MAST4: variants seen among roughly 807,000 people sequenced by gnomAD.
MAST4 encodes the protein microtubule-associated serine/threonine-protein kinase 4.
In MAST4, 89 loss-of-function variants were observed where a neutral mutation model predicts 162.7. The observed-to-expected ratio is 0.55, with a 90% CI of 0.46 to 0.65. The LOEUF (loss-of-function observed/expected upper bound fraction) is 0.65, where lower values mean the gene tolerates loss of function less well. MAST4 is among the 30% of genes least tolerant of loss of function. The pLI is 0.00. For synonymous variants in MAST4, 1,479 were observed against 1,361.1 expected, an observed-to-expected ratio of 1.09 and a Z score of -1.91; for missense variants, 3,153 against 3,374.0, an observed-to-expected ratio of 0.93 and a Z score of 1.62.
At chr5:66,761,545 G>A (rs998645074) in intron 2 of MAST4, among the ~76,000 whole-genome samples, 1 of 151,828 alleles carries the variant, frequency 6.6e-6, no homozygotes, top group Non-Finnish European at 1.5e-5. Context: ...GGCCTGGAAA[G>A]TAAGTTGAAT....
chr5:66,971,661 T>C (rs76089918), intron 4 of MAST4, among the ~76,000 whole-genome samples: 2,745 of 152,346 alleles, frequency 0.018, 80 homozygotes, highest in African/African-American at 0.063. Flanking sequence ...TTGAATATAT[T>C]GAAATTATTC....
chr5:66,778,078 C>T (rs1190554877), intron 2 of MAST4, among the ~76,000 whole-genome samples: 1 of 152,126 alleles, frequency 6.6e-6, no homozygotes, highest in Non-Finnish European at 1.5e-5. Context: ...TCAGACACCA[C>T]CACCACCCAC....
intron 1 of MAST4, among the ~76,000 whole-genome samples, chr5:66,675,427 A>G (rs72761216): frequency 2.0e-5 from 3 of 152,310 alleles, no homozygotes; most frequent in African/African-American, 4.8e-5. Context: ...ATCAGAGGAA[A>G]TTCATCCTTT....
intron 4 of MAST4, among the ~76,000 whole-genome samples, chr5:66,924,374 T>C (rs2150054855): frequency 1.3e-5 from 2 of 152,222 alleles, no homozygotes; most frequent in Non-Finnish European, 1.5e-5. Context: ...TTAATATGAC[T>C]ACTTGGTCTT....
At chr5:66,712,420 T>G (rs185312738) in intron 1 of MAST4, among the ~76,000 whole-genome samples, 7 of 152,328 alleles carry the variant, frequency 4.6e-5, no homozygotes, top group Admixed American at 3.3e-4. Context: ...ATCCTTTGTA[T>G]GTATTCCAGG....
chr5:67,164,444 T>G lies in MAST4; in HGVS notation c.5265T>G (p.Phe1755Leu), dbSNP rs781468604. 21 of 1,614,010 alleles carry G rather than the reference T, an allele frequency of 1.3e-5. 1 individual carries two copies. The East Asian group carries it at 4.7e-4, about 36-fold the overall frequency. ...CAGCTCAGATGAGTGCCGTCTCTTT[T>G]GTTCCCCTCAAGGCCTTAACAGGCC... ...THAAQMSAVSFVPLKALTGRV... is the reference protein window; with the variant it reads ...THAAQMSAVSLVPLKALTGRV... Residue 1755 changes from phenylalanine to leucine, a missense_variant, in exon 29 of 29, where the codon TTT becomes TTG. Transcript: ENST00000403625. The surrounding 1 kb of genome is among the most constrained non-coding windows in gnomAD (Gnocchi z 5.3).
chr5:66,967,926 A>T (rs1288113920), intron 4 of MAST4, among the ~76,000 whole-genome samples: 1 of 152,128 alleles, frequency 6.6e-6, no homozygotes, highest in Non-Finnish European at 1.5e-5. Flanking sequence ...TACTTAATAA[A>T]TTGGCTACCA....
chr5:67,041,248 A>G (rs1160793092), intron 4 of MAST4, among the ~76,000 whole-genome samples: 2 of 152,160 alleles, frequency 1.3e-5, no homozygotes, highest in African/African-American at 2.4e-5. Context: ...GATGTTGACA[A>G]TTAGAAGCCA....
At chr5:67,061,595 T>C (rs1370399109) in intron 5 of MAST4, among the ~76,000 whole-genome samples, 6 of 152,016 alleles carry the variant, frequency 3.9e-5, no homozygotes, top group African/African-American at 1.2e-4. Flanking sequence ...TTTTTTTTAT[T>C]CTTCTGATTT....
intron 23 of MAST4, 90 bp downstream of exon 23, chr5:67,145,469 A>C (rs1335074051): frequency 9.7e-7 from 1 of 1,029,676 alleles, no homozygotes; most frequent in Non-Finnish European, 1.4e-6. Flanking sequence ...GCCAGGCAGT[A>C]AAGATGGGTG....
At chr5:66,611,326 T>A (rs974349912) in intron 1 of MAST4, among the ~76,000 whole-genome samples, 1 of 152,220 alleles carries the variant, frequency 6.6e-6, no homozygotes, top group Non-Finnish European at 1.5e-5. Flanking sequence ...GGCCTCTTTG[T>A]TTTTGGAACT....
At chr5:67,073,544 C>CT (rs1761224914) in intron 5 of MAST4, among the ~76,000 whole-genome samples, 1 of 152,138 alleles carries the variant, frequency 6.6e-6, no homozygotes, top group Admixed American at 6.5e-5. Context: ...ACAGTGGTAA[C>CT]TTGATGTAAT....
At chr5:67,037,001 A>G (rs116549080) in intron 4 of MAST4, among the ~76,000 whole-genome samples, 2 of 152,180 alleles carry the variant, frequency 1.3e-5, no homozygotes. Flanking sequence ...AAAGAAATGT[A>G]TGTATAGGGG....
intron 4 of MAST4, chr5:67,005,047 T>C: frequency 1.3e-6 from 1 of 774,358 alleles, no homozygotes; most frequent in South Asian, 1.4e-5. Context: ...TTACTTTGCC[T>C]CATTTGAGGA....
chr5:66,988,909 C>T lies in MAST4; in HGVS notation c.675-65495C>T, dbSNP rs573956005. ...GTTTCTAGAATCAGATTGTGGCTTA[C>T]AGCTTTATTCAGGGAAATAAGACAT... On this transcript the variant is annotated intron_variant, in intron 4 of 28. Transcript: ENST00000403625. Among the ~76,000 whole-genome samples, 3 of 152,324 alleles carry T rather than the reference C, an allele frequency of 2.0e-5. 1 individual carries two copies. Among genetic ancestry groups the T allele is most frequent in the Admixed American group, 1.3e-4 (2 of 15,300 alleles).
chr5:66,598,330 G>A (rs1742332087), intron 1 of MAST4, among the ~76,000 whole-genome samples: 1 of 152,078 alleles, frequency 6.6e-6, no homozygotes. Context: ...TGAGACCTTG[G>A]GTATATCATT....
chr5:67,165,436 T>C lies in MAST4; in HGVS notation c.6257T>C (p.Leu2086Pro). The change falls in exon 29 of 29, where the codon CTT becomes CCT. Residue 2086 changes from leucine to proline, a missense_variant. Transcript: ENST00000403625. ...RRGVEPKPEA[L>P]LARRSLQPPG... ...GGCGTGGAACCCAAGCCCGAAGCGC[T>C]TCTTGCCAGGCGGTCTCTGCAGCCA... The C allele has an allele frequency of 1.2e-6, 2 of 1,613,930 alleles. No individual in the cohort carries two copies. Among genetic ancestry groups the C allele is most frequent in the Non-Finnish European group, 1.7e-6 (2 of 1,179,898 alleles).
chr5:66,959,086 G>C (rs1389992643), intron 4 of MAST4: 1 of 635,664 alleles, frequency 1.6e-6, no homozygotes, highest in Non-Finnish European at 2.9e-6. Flanking sequence ...TCTTGATTAC[G>C]GCTAGAGGTG....
intron 4 of MAST4, among the ~76,000 whole-genome samples, chr5:66,967,792 A>G (rs1337090693): frequency 6.6e-6 from 1 of 151,968 alleles, no homozygotes; most frequent in Non-Finnish European, 1.5e-5. Context: ...GGCCCTAAAT[A>G]TCAGTTTATT....
Sources: allele counts gnomAD v4.1 joint callset (sites outside exome capture counted in the v4.1 genomes callset), GRCh38; gene constraint gnomAD v4.1.1; non-coding constraint Gnocchi (gnomAD v3.1); transcripts MANE v1.5; gene names NCBI Gene and HGNC (gene_info 2026-07-23, HGNC 2026-07-21).